Variants in KCNU1 observed in about 807,000 individuals in gnomAD.
The protein encoded by KCNU1 is potassium calcium-activated channel subfamily U member 1.
KCNU1 carries 93 observed loss-of-function variants against 126.8 expected under a neutral mutation model. The ratio of observed to expected loss-of-function variants is 0.73; its 90% CI spans 0.62 to 0.87. The LOEUF is 0.87. KCNU1 is among the 40% of genes least tolerant of loss of function. The pLI, the probability that KCNU1 is intolerant of heterozygous loss-of-function variation, is 0.00. For missense variants in KCNU1, 1,330 were observed against 1,367.1 expected (o/e 0.97, Z 0.43); for synonymous variants, 523 against 494.2 (o/e 1.06, Z -0.77).
At chr8:36,908,188 T>C (rs1338649704) in intron 20 of KCNU1, among the ~76,000 whole-genome samples, 3 of 152,194 alleles carry the variant, frequency 2.0e-5, no homozygotes, top group African/African-American at 7.2e-5. Context: ...ACAATAAGTT[T>C]CCCACAGGAA....
At chr8:36,800,860 G>A (rs1371500732) in intron 2 of KCNU1, among the ~76,000 whole-genome samples, 2 of 152,230 alleles carry the variant, frequency 1.3e-5, no homozygotes, top group East Asian at 3.9e-4. Flanking sequence ...AACTGCAGTA[G>A]AGTTCAGCAA....
rs988270332 is a variant in KCNU1, at chr8:36,836,369, T to A, written c.1365+4T>A. On this transcript the variant is annotated splice_donor_region_variant and intron_variant, in intron 13 of 26. Transcript: ENST00000399881. ...GATACTGCAATCCCATAACAAGGTA[T>A]AGTAACATTCTAGCATATTCCATCT... 1.9e-6 allele frequency: 3 copies of A among 1,569,374 alleles called. No homozygotes were observed. Among genetic ancestry groups the A allele is most frequent in the Admixed American group, 3.3e-5 (2 of 59,878 alleles).
intron 10 of KCNU1, among the ~76,000 whole-genome samples, chr8:36,821,030 T>C (rs1049112537): frequency 6.6e-6 from 1 of 152,026 alleles, no homozygotes; most frequent in African/African-American, 2.4e-5. Context: ...TCAAACAGAA[T>C]TTTTCTGATA....
intron 16 of KCNU1, 62 bp downstream of exon 16, chr8:36,841,065 T>G (rs1383116163): frequency 1.9e-6 from 2 of 1,072,534 alleles, no homozygotes; most frequent in Non-Finnish European, 1.4e-6. Context: ...TTCCTGGAGA[T>G]TCTTTGTGAT....
At chr8:36,785,614 A>G (rs1236873112) in intron 1 of KCNU1, among the ~76,000 whole-genome samples, 1 of 152,176 alleles carries the variant, frequency 6.6e-6, no homozygotes, top group Non-Finnish European at 1.5e-5. Context: ...TTATTTCTAC[A>G]TTATGGATTT....
chr8:36,823,984 T>G (rs969071408), intron 10 of KCNU1, among the ~76,000 whole-genome samples: 2 of 152,030 alleles, frequency 1.3e-5, no homozygotes, highest in East Asian at 3.9e-4. Flanking sequence ...ATTACAGGCA[T>G]GCACCACCAC....
chr8:36,820,338 G>A (rs986743403), intron 10 of KCNU1, among the ~76,000 whole-genome samples: 4 of 152,150 alleles, frequency 2.6e-5, no homozygotes, highest in African/African-American at 4.8e-5. Context: ...GAGCCAAAAT[G>A]TGGCCTTTTC....
intron 10 of KCNU1, among the ~76,000 whole-genome samples, chr8:36,826,130 C>T (rs1489053221): frequency 6.6e-6 from 1 of 151,788 alleles, no homozygotes; most frequent in African/African-American, 2.4e-5. Flanking sequence ...ATTCTAATTA[C>T]AGGTTAACTC....
At chr8:36,797,068 C>T (rs1009204553) in intron 2 of KCNU1, among the ~76,000 whole-genome samples, 1 of 152,150 alleles carries the variant, frequency 6.6e-6, no homozygotes, top group African/African-American at 2.4e-5. Flanking sequence ...AGAGGCAGAA[C>T]TACATGGTGA....
At chr8:36,879,211 G>GTATATA (rs34121138) in intron 19 of KCNU1, among the ~76,000 whole-genome samples, 3,526 of 101,640 alleles carry the variant, frequency 0.035, 114 homozygotes, top group African/African-American at 0.075. Flanking sequence ...GTGTGTGTGT[G>GTATATA]TATATATATA....
chr8:36,836,165 A>G lies in KCNU1; in HGVS notation c.1296-131A>G. The G allele has an allele frequency of 1.4e-5, 8 of 589,136 alleles. No homozygotes were observed. In the South Asian group the frequency reaches 1.9e-4, roughly 14 times the overall value. The allele number at this position is 589,136 out of a possible 1,614,324, so 36.5% of individuals were successfully genotyped here. ...TAAAAACATTTTTAGAAAACAACAC[A>G]ACAATAAACTTTATTATATGCCAAG... On this transcript the variant is annotated intron_variant, in intron 12 of 26. Transcript: ENST00000399881.
chr8:36,821,884 T>G (rs1804140974), intron 10 of KCNU1, among the ~76,000 whole-genome samples: 1 of 152,158 alleles, frequency 6.6e-6, no homozygotes, highest in Admixed American at 6.5e-5. Context: ...TAGGCTAATG[T>G]GAGTGTTCTG....
intron 10 of KCNU1, among the ~76,000 whole-genome samples, chr8:36,821,474 C>T (rs1804121274): frequency 6.6e-6 from 1 of 152,128 alleles, no homozygotes. Flanking sequence ...CAGGTGTTCA[C>T]ATCAGGACTA....
chr8:36,817,239 C>T (rs1585409828), intron 9 of KCNU1, among the ~76,000 whole-genome samples: 1 of 151,210 alleles, frequency 6.6e-6, no homozygotes, highest in Non-Finnish European at 1.5e-5. Flanking sequence ...GTGGCTCGTG[C>T]CTGTAATCCC....
chr8:36,919,082 T>C (rs926305813), intron 23 of KCNU1, among the ~76,000 whole-genome samples, 185 bp downstream of exon 23: 2 of 152,136 alleles, frequency 1.3e-5, no homozygotes, highest in African/African-American at 4.8e-5. Context: ...GTATATCTGG[T>C]GTCAGGGTTC....
chr8:36,901,184 A>T (rs1429003537), intron 19 of KCNU1, among the ~76,000 whole-genome samples: 1 of 152,082 alleles, frequency 6.6e-6, no homozygotes, highest in Non-Finnish European at 1.5e-5. Context: ...TCAAATCTGT[A>T]AGTTGGAGAA....
chr8:36,808,218 T>A (rs558454105), intron 6 of KCNU1, among the ~76,000 whole-genome samples: 1 of 152,152 alleles, frequency 6.6e-6, no homozygotes, highest in Non-Finnish European at 1.5e-5. Flanking sequence ...CTCTGATCTT[T>A]CTTCACTTAA....
At chr8:36,929,435 A>AG (rs71547667) in intron 24 of KCNU1, among the ~76,000 whole-genome samples, 47,897 of 149,244 alleles carry the variant, frequency 0.32, 8,692 homozygotes, top group Admixed American at 0.41. Flanking sequence ...ACAAAAAAAA[A>AG]CCATGAATTG....
At chr8:36,790,158 T>C (rs1164005515) in intron 2 of KCNU1, among the ~76,000 whole-genome samples, 1 of 152,138 alleles carries the variant, frequency 6.6e-6, no homozygotes, top group African/African-American at 2.4e-5. Context: ...AGTTTTAATA[T>C]CACATAAGCT....
Sources: gnomAD v4.1 joint callset for allele counts (sites outside exome capture counted in the v4.1 genomes callset) on GRCh38, gnomAD v4.1.1 for gene constraint, MANE v1.5 for transcripts, NCBI Gene and HGNC (gene_info 2026-07-23, HGNC 2026-07-21) for gene names.